SLC25A26: variants seen among roughly 807,000 people sequenced by gnomAD.
SLC25A26 encodes the protein mitochondrial S-adenosylmethionine carrier protein.
Under a neutral mutation model 37.8 loss-of-function variants are expected in SLC25A26, and 36 were observed. The observed-to-expected ratio is 0.95, with a 90% CI of 0.73 to 1.26. SLC25A26 has a LOEUF of 1.26. Ranked by LOEUF, SLC25A26 falls within the 50% of genes most tolerant of loss-of-function variation. SLC25A26 has a pLI of 0.00. For synonymous variants in SLC25A26, 129 were observed against 122.5 expected, an observed-to-expected ratio of 1.05 and a Z score of -0.35; for missense variants, 390 against 331.1, an observed-to-expected ratio of 1.18 and a Z score of -1.38.
intron 1 of SLC25A26, among the ~76,000 whole-genome samples, chr3:66,228,139 A>G (rs1024363782): frequency 2.6e-5 from 4 of 152,220 alleles, no homozygotes; most frequent in African/African-American, 9.7e-5. Context: ...AAACACAAGT[A>G]TATTCCAAAT....
intron 5 of SLC25A26, among the ~76,000 whole-genome samples, chr3:66,338,776 A>C (rs1304511517): frequency 6.6e-6 from 1 of 151,994 alleles, no homozygotes; most frequent in Non-Finnish European, 1.5e-5. Context: ...TGTAGCTTCT[A>C]TCTCTATGAA....
chr3:66,285,469 TAA>T, intron 5 of SLC25A26, among the ~76,000 whole-genome samples: 1 of 150,978 alleles, frequency 6.6e-6, no homozygotes, highest in African/African-American at 2.4e-5. Flanking sequence ...TTTAGTTTGG[TAA>T]TACTAGGTAA....
intron 7 of SLC25A26, among the ~76,000 whole-genome samples, chr3:66,365,212 C>G (rs1176085591): frequency 6.6e-6 from 1 of 152,170 alleles, no homozygotes; most frequent in East Asian, 1.9e-4. Flanking sequence ...TGAAACTTGC[C>G]CTCAAATCAG....
intron 9 of SLC25A26, among the ~76,000 whole-genome samples, chr3:66,372,533 G>A (rs1700402328): frequency 6.6e-6 from 1 of 152,156 alleles, no homozygotes; most frequent in Non-Finnish European, 1.5e-5. Flanking sequence ...GCCTGTCCCT[G>A]TCCCCATTGT....
At chr3:66,250,050 CTTT>C (rs1173134937) in intron 3 of SLC25A26, among the ~76,000 whole-genome samples, 4 of 152,194 alleles carry the variant, frequency 2.6e-5, no homozygotes, top group African/African-American at 9.7e-5. Flanking sequence ...GGCAGGCAGA[CTTT>C]TAAATTCCTT....
intron 5 of SLC25A26, among the ~76,000 whole-genome samples, chr3:66,294,888 C>A (rs556268349): frequency 6.6e-6 from 1 of 152,214 alleles, no homozygotes; most frequent in Admixed American, 6.5e-5. Flanking sequence ...GCTTTTGGCT[C>A]TTAGTTGTAG....
chr3:66,375,582 G>A (rs182878754), intron 9 of SLC25A26, among the ~76,000 whole-genome samples: 1 of 152,256 alleles, frequency 6.6e-6, no homozygotes, highest in East Asian at 1.9e-4. Context: ...GTGCTAAATC[G>A]ACTCTGCCTC....
At chr3:66,345,689 T>C (rs533706528) in intron 5 of SLC25A26, among the ~76,000 whole-genome samples, 3 of 152,090 alleles carry the variant, frequency 2.0e-5, no homozygotes, top group South Asian at 2.1e-4. Context: ...TTACCTTCCT[T>C]CTCTCTCCTC....
chr3:66,263,671 T>G (rs1426253450), intron 5 of SLC25A26, among the ~76,000 whole-genome samples: 1 of 151,268 alleles, frequency 6.6e-6, no homozygotes, highest in Non-Finnish European at 1.5e-5. Context: ...TTTTGTTTGT[T>G]TTTTTGAAAT....
intron 5 of SLC25A26, among the ~76,000 whole-genome samples, chr3:66,286,323 C>G (rs756454631): frequency 4.2e-4 from 64 of 152,100 alleles, no homozygotes; most frequent in Non-Finnish European, 5.1e-4. Flanking sequence ...TTTTATAGCT[C>G]TATGTTTTAC....
At chr3:66,339,811 T>C (rs570039798) in intron 5 of SLC25A26, among the ~76,000 whole-genome samples, 2 of 152,220 alleles carry the variant, frequency 1.3e-5, no homozygotes, top group Non-Finnish European at 2.9e-5. Flanking sequence ...CCATAGGTTG[T>C]CTTTTTATGC....
chr3:66,338,883 T>A (rs1253269896), intron 5 of SLC25A26, among the ~76,000 whole-genome samples: 2 of 152,088 alleles, frequency 1.3e-5, no homozygotes, highest in Non-Finnish European at 2.9e-5. Flanking sequence ...TCAGAGTTTA[T>A]CCATAGTGTG....
chr3:66,305,063 T>TA (rs1292123291), intron 5 of SLC25A26, among the ~76,000 whole-genome samples: 1 of 152,192 alleles, frequency 6.6e-6, no homozygotes, highest in Non-Finnish European at 1.5e-5. Flanking sequence ...TTTTTACACT[T>TA]AGAGCTGCGA....
intron 9 of SLC25A26, chr3:66,371,099 G>T: frequency 7.2e-7 from 1 of 1,394,472 alleles, no homozygotes; most frequent in Non-Finnish European, 9.3e-7. Context: ...TGTCCTAAAA[G>T]CTCTCTCTGC....
At chr3:66,273,052 A>T (rs548530952) in intron 5 of SLC25A26, among the ~76,000 whole-genome samples, 21 of 152,112 alleles carry the variant, frequency 1.4e-4, no homozygotes, top group Non-Finnish European at 1.5e-5. Flanking sequence ...TGAGATAACC[A>T]TGTGGTTTTT....
At chr3:66,272,820 C>T (rs934071919) in intron 5 of SLC25A26, among the ~76,000 whole-genome samples, 1 of 152,128 alleles carries the variant, frequency 6.6e-6, no homozygotes, top group Non-Finnish European at 1.5e-5. Flanking sequence ...CCAGAACTTC[C>T]AACACTGTGT....
At chr3:66,190,912 G>C (rs1320406484) in intron 1 of SLC25A26, among the ~76,000 whole-genome samples, 1 of 152,178 alleles carries the variant, frequency 6.6e-6, no homozygotes, top group Non-Finnish European at 1.5e-5. Context: ...TTCACAGGAA[G>C]AAATTGTAAT....
intron 9 of SLC25A26, among the ~76,000 whole-genome samples, chr3:66,374,464 A>G (rs944071432): frequency 2.0e-5 from 3 of 152,214 alleles, no homozygotes; most frequent in Non-Finnish European, 2.9e-5. Flanking sequence ...CCAACCAGCC[A>G]TTCCCTCTCT....
intron 1 of SLC25A26, among the ~76,000 whole-genome samples, chr3:66,185,356 G>C (rs2070805592): frequency 6.6e-6 from 1 of 152,118 alleles, no homozygotes; most frequent in Non-Finnish European, 1.5e-5. Flanking sequence ...ATCTGTCCAT[G>C]GACACTTGGG....
Sources: gnomAD v4.1 joint callset for allele counts (sites outside exome capture counted in the v4.1 genomes callset) on GRCh38, gnomAD v4.1.1 for gene constraint, MANE v1.5 for transcripts, NCBI Gene and HGNC (gene_info 2026-07-23, HGNC 2026-07-21) for gene names.